RANBP9: variants seen among roughly 807,000 people sequenced by gnomAD.
RANBP9 encodes ran-binding protein 9.
RANBP9 carries 15 observed loss-of-function variants against 84.3 expected under a neutral mutation model. The ratio of observed to expected loss-of-function variants is 0.18; its 90% CI spans 0.12 to 0.27. The LOEUF (loss-of-function observed/expected upper bound fraction) is 0.27. Among genes scored for constraint, RANBP9 ranks in the 10% least tolerant of loss-of-function variants. RANBP9 has a pLI of 1.00. For synonymous variants in RANBP9, 392 were observed against 349.6 expected (o/e 1.12, Z -1.35); for missense variants, 809 against 912.8 (o/e 0.89, Z 1.46).
At chr6:13,699,345 T>C (rs554534548) in intron 1 of RANBP9, among the ~76,000 whole-genome samples, 1 of 152,298 alleles carries the variant, frequency 6.6e-6, no homozygotes, top group South Asian at 2.1e-4. Flanking sequence ...ATGTTTAAAT[T>C]AAAATTTAAA....
At chr6:13,700,307 A>C (rs1202917331) in intron 1 of RANBP9, among the ~76,000 whole-genome samples, 1 of 152,144 alleles carries the variant, frequency 6.6e-6, no homozygotes, top group Admixed American at 6.5e-5. Context: ...GATTCCTTCC[A>C]AAGCCTCCTC....
chr6:13,710,991 T>C lies in RANBP9; in HGVS notation c.515A>G (p.Lys172Arg), dbSNP rs2113378747. ...GAGGCCGATGTAGCTGAACTTGTCC[T>C]TCGGGCTCCAGGACCGAGGCAGCGG... ...ETPLPRSWSP[K>R]DKFSYIGLSQ... The change falls in exon 1 of 14, where the codon AAG (lysine) becomes AGG (arginine). Residue 172 changes from lysine to arginine, a missense_variant. Transcript: ENST00000011619. 2 of 1,609,924 alleles carry C rather than the reference T, an allele frequency of 1.2e-6. No homozygotes were observed. Among genetic ancestry groups the C allele is most frequent in the East Asian group, 2.2e-5 (1 of 44,716 alleles).
At chr6:13,637,390 ACT>A (rs1764963713) in intron 10 of RANBP9, among the ~76,000 whole-genome samples, 1 of 150,828 alleles carries the variant, frequency 6.6e-6, no homozygotes, top group East Asian at 1.9e-4. Flanking sequence ...ACCAAAAAAA[ACT>A]CACACACAGA....
Position 13,688,982 on chromosome 6 carries a change from C to CAAAAAAAAAA in RANBP9, c.683+7793_683+7802dup, listed in dbSNP as rs1164073062. Among the ~76,000 whole-genome samples, 79 of 29,910 alleles carry CAAAAAAAAAA rather than the reference C, an allele frequency of 2.6e-3. 5 individuals carry two copies. The highest frequency in any genetic ancestry group is 3.5e-3 in the African/African-American group (33 of 9,560). The allele number at this position is 29,910 out of a possible 152,430, so 19.6% of individuals were successfully genotyped here. ...TGCAACATACCGAGACCCATCTCCA[C>CAAAAAAAAAA]AAAAAAAAAAAAAAAAAAAAAATGC... On this transcript the variant is annotated intron_variant, in intron 2 of 13. Coordinates refer to ENST00000011619, the MANE Select transcript of RANBP9 (RefSeq NM_005493.3).
At chr6:13,686,410 C>T (rs1428098295) in intron 2 of RANBP9, among the ~76,000 whole-genome samples, 1 of 151,960 alleles carries the variant, frequency 6.6e-6, no homozygotes, top group Non-Finnish European at 1.5e-5. Context: ...CTCAGCCTCC[C>T]AAGTAACTGG....
At position 13,680,153 on chromosome 6, in the gene RANBP9, A is replaced by C. The variant is rs553300842; in HGVS notation, c.683+16632T>G. ...ACCAAAAAACTCTTCAAAAAAACAA[A>C]ATAATAGAAGAAGTTAGTCAAAGAA... On this transcript the variant is annotated intron_variant, in intron 2 of 13. Transcript: ENST00000011619. Among the ~76,000 whole-genome samples, 171 of 152,288 alleles carry C rather than the reference A, an allele frequency of 1.1e-3. 1 individual carries two copies. Among genetic ancestry groups the C allele is most frequent in the African/African-American group, 3.9e-3 (162 of 41,570 alleles).
chr6:13,685,465 C>A (rs529426548), intron 2 of RANBP9, among the ~76,000 whole-genome samples: 2 of 152,094 alleles, frequency 1.3e-5, no homozygotes, highest in Admixed American at 6.5e-5. Flanking sequence ...CCTAGCTACT[C>A]GAGTGGCTGA....
intron 13 of RANBP9, among the ~76,000 whole-genome samples, chr6:13,624,162 C>G (rs780034706): frequency 6.6e-6 from 1 of 152,166 alleles, no homozygotes; most frequent in Admixed American, 6.5e-5. Context: ...TTCCGGAGAA[C>G]TACAACACTG....
At chr6:13,701,241 T>C (rs1381713844) in intron 1 of RANBP9, among the ~76,000 whole-genome samples, 2 of 152,162 alleles carry the variant, frequency 1.3e-5, no homozygotes, top group South Asian at 2.1e-4. Context: ...CTACCTTCCA[T>C]ACTCCCACAC....
rs534113643 is a variant in RANBP9, at chr6:13,668,470, C to T, written c.684-9638G>A. Among the ~76,000 whole-genome samples, 74 of 152,042 alleles carry T rather than the reference C, an allele frequency of 4.9e-4. 4 individuals carry two copies. The South Asian group carries it at 0.015, about 31-fold the overall frequency. On this transcript the variant is annotated intron_variant, in intron 2 of 13. Transcript: ENST00000011619. ...TTAATACAAATGCAAAAATCCTCAA[C>T]AAATTACTAGGAAATCAAATCCAGC... is the stretch of plus-strand genomic sequence containing the variant.
At chr6:13,625,539 A>G in intron 13 of RANBP9, 114 bp downstream of exon 13, 1 of 620,608 alleles carries the variant, frequency 1.6e-6, no homozygotes, top group South Asian at 2.6e-5. Flanking sequence ...TATTTTAAAA[A>G]TATAGAAAAC....
chr6:13,681,058 T>C (rs1766023920), intron 2 of RANBP9, among the ~76,000 whole-genome samples: 2 of 152,250 alleles, frequency 1.3e-5, no homozygotes, highest in East Asian at 1.9e-4. Context: ...AAAATATAGA[T>C]ATAAAACAAT....
chr6:13,633,286 G>A (rs996802242), intron 11 of RANBP9, among the ~76,000 whole-genome samples: 1 of 152,054 alleles, frequency 6.6e-6, no homozygotes, highest in African/African-American at 2.4e-5. Flanking sequence ...CGCCCACCTC[G>A]GCCTCCCAAA....
Position 13,711,328 on chromosome 6 carries a change from A to G in RANBP9, c.178T>C (p.Leu60=), listed in dbSNP as rs1419405644. 4.5e-6 allele frequency: 5 copies of G among 1,100,650 alleles called. No homozygotes were observed. 68.2% of individuals were successfully genotyped at this position (1,100,650 alleles called of 1,614,324 possible). Residue 60 remains leucine, a synonymous_variant, in exon 1 of 14, where the codon TTA becomes CTA. Coordinates refer to ENST00000011619, the MANE Select transcript of RANBP9 (RefSeq NM_005493.3). The part of the protein sequence containing the change: ...SPGGGAGGEG[L]GAAAAALLLH... ...AGCAGGGCGGCCGCCGCGGCCCCTA[A>G]GCCTTCGCCGCCCGCACCGCCGCCG... is the stretch of plus-strand genomic sequence containing the variant.
chr6:13,664,774 A>G (rs1302129005), intron 2 of RANBP9, among the ~76,000 whole-genome samples: 2 of 152,178 alleles, frequency 1.3e-5, no homozygotes, highest in African/African-American at 2.4e-5. Flanking sequence ...TTTAAATTAA[A>G]TAAGTAAAAT....
rs375219477 is a variant in RANBP9, at chr6:13,648,141, G to GTTTTTTT, written c.928-3419_928-3413dup. On this transcript the variant is annotated intron_variant, in intron 5 of 13. Transcript: ENST00000011619. ...CAAAATATGTGATCTTATATGACTG[G>GTTTTTTT]TTTTTTTTTTTTTTTTTTTTTTTTT... 4.2e-3 allele frequency among the ~76,000 whole-genome samples: 338 copies of GTTTTTTT among 80,674 alleles called. 17 individuals carry two copies. Among genetic ancestry groups the GTTTTTTT allele is most frequent in the Non-Finnish European group, 7.2e-3 (305 of 42,130 alleles). The allele number at this position is 80,674 out of a possible 152,430, so 52.9% of individuals were successfully genotyped here.
chr6:13,688,273 A>T (rs1766238505), intron 2 of RANBP9, among the ~76,000 whole-genome samples: 1 of 152,226 alleles, frequency 6.6e-6, no homozygotes, highest in Admixed American at 6.5e-5. Context: ...AACAGCTACT[A>T]ATCTTTAACA....
chr6:13,671,835 C>T (rs994105105), intron 2 of RANBP9, among the ~76,000 whole-genome samples: 19 of 152,046 alleles, frequency 1.2e-4, no homozygotes, highest in African/African-American at 4.3e-4. Context: ...CACTCTATTA[C>T]GTAAACAGCT....
At chr6:13,702,780 C>T (rs1309449568) in intron 1 of RANBP9, among the ~76,000 whole-genome samples, 1 of 151,994 alleles carries the variant, frequency 6.6e-6, no homozygotes, top group Non-Finnish European at 1.5e-5. Flanking sequence ...CTCATCTCTT[C>T]CTTCATCTAT....
Sources: gnomAD v4.1 joint callset for allele counts (sites outside exome capture counted in the v4.1 genomes callset) on GRCh38, gnomAD v4.1.1 for gene constraint, MANE v1.5 for transcripts, NCBI Gene and HGNC (gene_info 2026-07-23, HGNC 2026-07-21) for gene names.